RNF6: variants seen among roughly 807,000 people sequenced by gnomAD.
RNF6 encodes the protein ring finger protein 6.
Under a neutral mutation model 50.1 loss-of-function variants are expected in RNF6, and 21 were observed. That is an observed-to-expected ratio of 0.42 (90% CI 0.30 to 0.60). RNF6 has a LOEUF of 0.60. Among genes scored for constraint, RNF6 ranks in the 20% least tolerant of loss-of-function variants. The pLI is 0.20. For synonymous variants in RNF6, 255 were observed against 291.8 expected, an observed-to-expected ratio of 0.87 and a Z score of 1.29; for missense variants, 698 against 838.2, an observed-to-expected ratio of 0.83 and a Z score of 2.07.
chr13:26,218,371 C>T, intron 4 of RNF6, 140 bp downstream of exon 4: 2 of 637,076 alleles, frequency 3.1e-6, no homozygotes, highest in Admixed American at 2.7e-5. Context: ...TGCTTTACTA[C>T]TCATATATAT....
intron 5 of RNF6, among the ~76,000 whole-genome samples, chr13:26,204,496 C>CAAAAAAAAAA (rs71080239): frequency 2.9e-5 from 2 of 68,952 alleles, no homozygotes; most frequent in East Asian, 3.4e-4. Flanking sequence ...GACTCCACCT[C>CAAAAAAAAAA]AAAAAAAAAA....
intron 5 of RNF6, among the ~76,000 whole-genome samples, chr13:26,134,838 G>A (rs1870570589): frequency 6.6e-6 from 1 of 152,110 alleles, no homozygotes; most frequent in African/African-American, 2.4e-5. Context: ...GAATAAAGGT[G>A]AAATTTGGAA....
downstream of RNF6, among the ~76,000 whole-genome samples, chr13:26,210,574 C>T (rs527668323): frequency 6.6e-6 from 1 of 152,270 alleles, no homozygotes; most frequent in South Asian, 2.1e-4. Context: ...GGTAATCAGA[C>T]ATATGATAGA....
chr13:26,171,487 G>A (rs1872694517), intron 5 of RNF6, among the ~76,000 whole-genome samples: 1 of 152,140 alleles, frequency 6.6e-6, no homozygotes, highest in Admixed American at 6.5e-5. Flanking sequence ...AAACAATATG[G>A]TCATTCCTCA....
At chr13:26,184,018 ATTTTTTTTTTTT>A (rs1169961717) in intron 5 of RNF6, among the ~76,000 whole-genome samples, 1,565 of 33,744 alleles carry the variant, frequency 0.046, 9 homozygotes, top group Non-Finnish European at 0.064. Flanking sequence ...ATATATATAT[ATTTTTTTTTTTT>A]TTTTTTTTTT....
At chr13:26,139,446 C>G (rs759837456) in intron 5 of RNF6, among the ~76,000 whole-genome samples, 1 of 152,270 alleles carries the variant, frequency 6.6e-6, no homozygotes, top group Admixed American at 6.5e-5. Context: ...CATGCCCTCT[C>G]TCTCAGAATA....
At chr13:26,142,212 A>G (rs1214846037) in intron 5 of RNF6, 1 of 152,212 alleles carries the variant, frequency 6.6e-6, no homozygotes, top group African/African-American at 2.4e-5. Flanking sequence ...GGCTGTTATT[A>G]AAAAGTCAAA....
intron 5 of RNF6, among the ~76,000 whole-genome samples, chr13:26,158,730 T>C (rs1198788021): frequency 1.3e-5 from 2 of 152,184 alleles, no homozygotes; most frequent in African/African-American, 4.8e-5. Context: ...TGTGGGTGTG[T>C]GTGTGTGTAT....
intron 5 of RNF6, among the ~76,000 whole-genome samples, chr13:26,141,315 C>T (rs1413519467): frequency 6.6e-6 from 1 of 151,652 alleles, no homozygotes; most frequent in Non-Finnish European, 1.5e-5. Context: ...TTAATCCTAG[C>T]TACTCAGGAG....
At chr13:26,217,261 T>C (rs1421398153) in intron 4 of RNF6, among the ~76,000 whole-genome samples, 3 of 152,230 alleles carry the variant, frequency 2.0e-5, no homozygotes, top group African/African-American at 4.8e-5. Flanking sequence ...ACTTCCCATT[T>C]GTTTGGAAAA....
intron 5 of RNF6, among the ~76,000 whole-genome samples, chr13:26,186,748 G>T (rs1873562523): frequency 6.6e-6 from 1 of 151,932 alleles, no homozygotes; most frequent in African/African-American, 2.4e-5. Context: ...GGGGAGGGCA[G>T]GGAAGCGTCA....
chr13:26,202,350 G>A (rs1047469964), intron 5 of RNF6, among the ~76,000 whole-genome samples: 1 of 152,188 alleles, frequency 6.6e-6, no homozygotes, highest in Non-Finnish European at 1.5e-5. Flanking sequence ...AGGGGGTGCT[G>A]CCACCCTCCC....
intron 5 of RNF6, among the ~76,000 whole-genome samples, chr13:26,134,539 GCTT>G (rs1293624895): frequency 6.6e-6 from 1 of 151,854 alleles, no homozygotes; most frequent in African/African-American, 2.4e-5. Context: ...TGGGTTTCTG[GCTT>G]CTTCTGTCGA....
intron 5 of RNF6, chr13:26,145,007 C>G (rs1871154071): frequency 6.6e-6 from 1 of 152,100 alleles, no homozygotes; most frequent in South Asian, 2.1e-4. Context: ...GATCAAGATT[C>G]CTGTGAACCA....
intron 5 of RNF6, among the ~76,000 whole-genome samples, chr13:26,181,505 G>C (rs301059): frequency 0.26 from 39,760 of 152,036 alleles, 6,907 homozygotes; most frequent in African/African-American, 0.5. Context: ...AACCACTGCA[G>C]GTAGTGTAAC....
At chr13:26,206,592 T>C (rs1040343798) in intron 5 of RNF6, among the ~76,000 whole-genome samples, 3 of 152,216 alleles carry the variant, frequency 2.0e-5, no homozygotes, top group Non-Finnish European at 4.4e-5. Flanking sequence ...CCTGGGAGCC[T>C]TTCCTCTCTT....
At position 26,215,528 on chromosome 13, in the gene RNF6, C is replaced by T; in HGVS notation, c.354G>A (p.Arg118=). Residue 118 remains arginine, a synonymous_variant, in exon 5 of 5, where the codon CGG becomes CGA. Transcript: ENST00000381588. The stretch of plus-strand genomic sequence containing the variant: ...CACTTCGAGTTGCATTTCCTGTGCG[C>T]CGAAAGGTGTTCAACCATTCTAGAA... ...DSLLEWLNTF[R]RTGNATRSGQ... The T allele has an allele frequency of 6.2e-7, 1 of 1,613,120 alleles. No individual in the cohort carries two copies. Among genetic ancestry groups the T allele is most frequent in the Non-Finnish European group, 8.5e-7 (1 of 1,180,026 alleles).
At chr13:26,180,033 G>T (rs542392273) in intron 5 of RNF6, among the ~76,000 whole-genome samples, 1 of 152,178 alleles carries the variant, frequency 6.6e-6, no homozygotes, top group South Asian at 2.1e-4. Context: ...ATAAGCCTGA[G>T]GTGTTTATCC....
At position 26,168,675 on chromosome 13, in the gene RNF6, C is replaced by A. The variant is rs1206587399; in HGVS notation, n.769-36224G>T. Among the ~76,000 whole-genome samples the A allele has an allele frequency of 2.0e-5, 3 of 152,182 alleles. No individual in the cohort carries two copies. The East Asian group carries it at 5.8e-4, about 29-fold the overall frequency. The stretch of plus-strand genomic sequence containing the variant: ...AATGCCCAAGGGCAAATGAGTAGAT[C>A]CTGCAGCAAGAAGGCACAGAGCATT... On this transcript the variant is annotated intron_variant and non_coding_transcript_variant, in intron 5 of 5. Coordinates refer to the RNF6 transcript ENST00000468480.
Sources: gnomAD v4.1 joint callset for allele counts (sites outside exome capture counted in the v4.1 genomes callset) on GRCh38, gnomAD v4.1.1 for gene constraint, MANE v1.5 for transcripts, NCBI Gene and HGNC (gene_info 2026-07-23, HGNC 2026-07-21) for gene names.